SYTL2: variants seen among roughly 807,000 people sequenced by gnomAD.
SYTL2 encodes the protein synaptotagmin like 2, also known as synaptotagmin-like protein 2.
Under a neutral mutation model 198.7 loss-of-function variants are expected in SYTL2, and 165 were observed. That is an observed-to-expected ratio of 0.83 (90% CI 0.73 to 0.94). SYTL2 has a LOEUF of 0.94. Among genes scored for constraint, SYTL2 ranks in the 40% least tolerant of loss-of-function variants. SYTL2 has a pLI of 0.00. For synonymous variants in SYTL2, 966 were observed against 917.7 expected, an observed-to-expected ratio of 1.05 and a Z score of -0.95; for missense variants, 2,835 against 2,582.8, an observed-to-expected ratio of 1.10 and a Z score of -2.12.
chr11:85,812,098 C>T (rs1358005479), upstream of SYTL2, among the ~76,000 whole-genome samples: 6 of 152,182 alleles, frequency 3.9e-5, no homozygotes, highest in African/African-American at 1.4e-4. Flanking sequence ...CAGAGCAAGA[C>T]TCTGTCTCAA....
chr11:85,798,737 T>C (rs1476107686), intron 1 of SYTL2, among the ~76,000 whole-genome samples: 3 of 152,200 alleles, frequency 2.0e-5, no homozygotes, highest in Non-Finnish European at 2.9e-5. Context: ...GTTGTGACAA[T>C]GCATCTGAAA....
intron 1 of SYTL2, among the ~76,000 whole-genome samples, chr11:85,799,350 T>G (rs955237526): frequency 1.3e-5 from 2 of 152,270 alleles, no homozygotes; most frequent in Admixed American, 1.3e-4. Context: ...AAAAGAGGTA[T>G]AAGCCGAACA....
chr11:85,731,988 T>C (rs1037363242), intron 7 of SYTL2, among the ~76,000 whole-genome samples: 1 of 152,118 alleles, frequency 6.6e-6, no homozygotes, highest in African/African-American at 2.4e-5. Context: ...ACAAACATGA[T>C]AAAAAGCTCA....
the SYTL2 span, among the ~76,000 whole-genome samples, chr11:85,835,248 A>G: frequency 6.6e-6 from 1 of 152,126 alleles, no homozygotes; most frequent in Non-Finnish European, 1.5e-5. Context: ...TAAATATACC[A>G]TTCCTTCTCA....
chr11:85,746,072 G>A (rs570349078), intron 3 of SYTL2, among the ~76,000 whole-genome samples: 2 of 152,332 alleles, frequency 1.3e-5, no homozygotes, highest in South Asian at 2.1e-4. Context: ...AATCTGAACT[G>A]AGTTGGGGTC....
In SYTL2 at chr11:85,725,265, G is replaced by T; in HGVS notation, c.4093C>A (p.Pro1365Thr). The T allele has an allele frequency of 6.2e-7, 1 of 1,614,142 alleles. No individual in the cohort carries two copies. Reference protein sequence around the residue: ...TVEKVILPPRPVLNDVSAALQ... With the variant: ...TVEKVILPPRTVLNDVSAALQ... ...GCAGCACTTACATCATTCAATACAG[G>T]TCTGGGTGGAAGAATGACTTTCTCT... Residue 1365 changes from proline to threonine, a missense_variant, in exon 8 of 20, where the codon CCT becomes ACT. By Grantham distance (38) the Pro-to-Thr change is conservative. This residue lies in a region of SYTL2 where 2,645 missense variants were observed against 2,381.7 expected (regional missense o/e 1.11). Transcript: ENST00000359152.
At chr11:85,756,461 A>G (rs933932653) in intron 2 of SYTL2, among the ~76,000 whole-genome samples, 1 of 152,106 alleles carries the variant, frequency 6.6e-6, no homozygotes, top group African/African-American at 2.4e-5. Flanking sequence ...GAGGAGGTGG[A>G]GTTAACAAAT....
chr11:85,794,319 G>C (rs1290441336), intron 1 of SYTL2, among the ~76,000 whole-genome samples: 1 of 151,882 alleles, frequency 6.6e-6, no homozygotes, highest in Middle Eastern at 3.2e-3. Context: ...GCTGAGACTA[G>C]AGGCACATGC....
chr11:85,748,155 A>C, intron 3 of SYTL2, 117 bp downstream of exon 3: 1 of 1,193,138 alleles, frequency 8.4e-7, no homozygotes, highest in Non-Finnish European at 1.2e-6. Flanking sequence ...GCCACACATT[A>C]TGAAAAGTGT....
chr11:85,818,540 AG>A, the SYTL2 span, among the ~76,000 whole-genome samples: 4 of 152,174 alleles, frequency 2.6e-5, no homozygotes, highest in Non-Finnish European at 4.4e-5. Context: ...AAAAATCAGC[AG>A]GTCTCTTCAA....
At chr11:85,758,377 T>A (rs1333083200) in intron 1 of SYTL2, among the ~76,000 whole-genome samples, 3 of 152,176 alleles carry the variant, frequency 2.0e-5, no homozygotes, top group African/African-American at 7.2e-5. Flanking sequence ...AAAAATGAAC[T>A]GGTTCTCTCT....
In SYTL2 at chr11:85,727,590, A is replaced by G. The variant is rs1414731513; in HGVS notation, c.1768T>C (p.Ser590Pro). 3 of 1,536,080 alleles carry G rather than the reference A, an allele frequency of 2.0e-6. No homozygotes were observed. In the East Asian group the frequency reaches 7.3e-5, roughly 38 times the overall value. The change falls in exon 8 of 20, where the codon TCA becomes CCA. Residue 590 changes from serine (S) to proline (P), a missense_variant. Around this residue, in one of 3 missense-constraint regions of SYTL2, gnomAD observed 2,645 missense variants for 2,381.7 expected, o/e 1.11. Coordinates refer to ENST00000359152, the MANE Select transcript of SYTL2 (RefSeq NM_206927.4). ...KIELKPVRSD[S>P]PFQAEGDMLV... ...ATATCTCCCTCTGCTTGGAATGGTG[A>G]GTCAGATCTCACAGGCTTCAATTCA...
chr11:85,793,032 T>C (rs1202152674), intron 1 of SYTL2, among the ~76,000 whole-genome samples: 3 of 152,050 alleles, frequency 2.0e-5, no homozygotes, highest in Admixed American at 6.5e-5. Context: ...CTATCATTGT[T>C]GAACATTTGG....
intron 15 of SYTL2, among the ~76,000 whole-genome samples, chr11:85,706,495 TCATAAGAGGAG>T: frequency 6.6e-6 from 1 of 152,272 alleles, no homozygotes; most frequent in East Asian, 1.9e-4. Flanking sequence ...GCACAGCCCC[TCATAAGAGGAG>T]GTATTTAAGA....
chr11:85,814,166 G>T (rs2093058832), upstream of SYTL2, among the ~76,000 whole-genome samples: 1 of 152,176 alleles, frequency 6.6e-6, no homozygotes. Flanking sequence ...ATAATGGTTG[G>T]AAGAGAGTTA....
At chr11:85,821,066 A>G in the SYTL2 span, among the ~76,000 whole-genome samples, 1 of 152,242 alleles carries the variant, frequency 6.6e-6, no homozygotes, top group Non-Finnish European at 1.5e-5. Context: ...TGGGTGAGTC[A>G]GTGAAATAAA....
intron 1 of SYTL2, among the ~76,000 whole-genome samples, chr11:85,781,836 G>A (rs977628059): frequency 3.9e-5 from 6 of 152,168 alleles, no homozygotes; most frequent in South Asian, 4.1e-4. Flanking sequence ...ACAGCCTTGC[G>A]CAACTCCACC....
upstream of SYTL2, among the ~76,000 whole-genome samples, chr11:85,815,214 G>T (rs1358341912): frequency 6.6e-6 from 1 of 152,160 alleles, no homozygotes; most frequent in Non-Finnish European, 1.5e-5. Flanking sequence ...AAAAGTAAAA[G>T]AACCTTTCTC....
In SYTL2 at chr11:85,695,214, A is replaced by G. The variant is rs772008392; in HGVS notation, c.6701T>C (p.Ile2234Thr). The change falls in exon 20 of 20, where the codon ATT becomes ACT. Residue 2234 changes from isoleucine (I) to threonine (T), a missense_variant. Ile to Thr is a moderately conservative substitution (Grantham distance 89, BLOSUM62 -1). This residue lies in a region of SYTL2 where 185 missense variants were observed against 182.1 expected (regional missense o/e 1.02). Transcript: ENST00000359152. ...EATLPLRMLLIAKISK is the reference protein window; with the variant it reads ...EATLPLRMLLTAKISK ...TTGGGCTCATTTGGAAATCTTGGCAATCAAAAGCATTCTGAGAGGCAGTGT... is the reference window on the plus strand; with the variant it reads ...TTGGGCTCATTTGGAAATCTTGGCAGTCAAAAGCATTCTGAGAGGCAGTGT... 1.9e-6 allele frequency: 3 copies of G among 1,612,396 alleles called. No homozygotes were observed. The highest frequency in any genetic ancestry group is 2.2e-5 in the South Asian group (2 of 90,812).
Sources: allele counts gnomAD v4.1 joint callset (sites outside exome capture counted in the v4.1 genomes callset), GRCh38; gene constraint gnomAD v4.1.1; regional missense constraint gnomAD v4.1.1; transcripts MANE v1.5; gene names NCBI Gene and HGNC (gene_info 2026-07-23, HGNC 2026-07-21).